The following C17orf67 variants were observed in gnomAD, a reference collection of about 807,000 sequenced individuals.
C17orf67 encodes chromosome 17 open reading frame 67.
A neutral mutation model predicts 11.2 loss-of-function variants in C17orf67; 12 were observed. The observed-to-expected ratio is 1.07, with a 90% CI of 0.68 to 1.73. The LOEUF (loss-of-function observed/expected upper bound fraction) is 1.73. C17orf67 is among the 40% of genes most tolerant of loss of function. The pLI, the probability that C17orf67 is intolerant of heterozygous loss-of-function variation, is 0.00. For synonymous variants in C17orf67, 59 were observed against 46.9 expected (o/e 1.26, Z -1.05); for missense variants, 115 against 113.5 (o/e 1.01, Z -0.06).
intron 4 of C17orf67, among the ~76,000 whole-genome samples, chr17:56,819,035 A>ATT (rs1905832488): frequency 6.6e-6 from 1 of 152,176 alleles, no homozygotes; most frequent in Non-Finnish European, 1.5e-5. Flanking sequence ...GTTAGACCTC[A>ATT]TCACTTCCAT....
intron 6 of C17orf67, among the ~76,000 whole-genome samples, chr17:56,810,959 G>A (rs1055400117): frequency 3.3e-5 from 5 of 152,242 alleles, no homozygotes; most frequent in Admixed American, 6.5e-5. Flanking sequence ...CCCAAGAGGC[G>A]TGAGTGGGTC....
intron 6 of C17orf67, among the ~76,000 whole-genome samples, chr17:56,806,707 T>C (rs1279881702): frequency 3.3e-5 from 5 of 152,172 alleles, no homozygotes; most frequent in Non-Finnish European, 7.4e-5. Flanking sequence ...GTGAATTTTA[T>C]TCAGAGTAAG....
Position 56,833,126 on chromosome 17 carries a change from G to A in C17orf67, c.-785C>T, listed in dbSNP as rs886086825. The A allele has an allele frequency of 1.3e-5, 2 of 152,298 alleles. No individual in the cohort carries two copies. The highest frequency in any genetic ancestry group is 4.8e-5 in the African/African-American group (2 of 41,464). The allele number at this position is 152,298 out of a possible 1,614,324, so 9.4% of individuals were successfully genotyped here. On this transcript the variant is annotated 5_prime_UTR_variant, in exon 2 of 8. Coordinates refer to ENST00000397861, the MANE Select transcript of C17orf67 (RefSeq NM_001085430.4). ...CCCACTCCTATGTATGTATGTAGTA[G>A]GAAGGAAGCCGCTGAGTGCAGCTGT...
In C17orf67 at chr17:56,823,657, G is replaced by A. The variant is rs557192194; in HGVS notation, c.-201+1082C>T. 2.6e-5 allele frequency among the ~76,000 whole-genome samples: 4 copies of A among 151,544 alleles called. No homozygotes were observed. The East Asian group carries it at 7.7e-4, about 29-fold the overall frequency. Reference sequence around the variant, plus strand: ...TTTAGAAAAATAGAGCAAAAATGAGGAGGAAAGTTTTAAAAAAACAAGAGA... The same window carrying A: ...TTTAGAAAAATAGAGCAAAAATGAGAAGGAAAGTTTTAAAAAAACAAGAGA... On this transcript the variant is annotated intron_variant, in intron 4 of 7. Coordinates refer to ENST00000397861, the MANE Select transcript of C17orf67 (RefSeq NM_001085430.4).
intron 6 of C17orf67, among the ~76,000 whole-genome samples, chr17:56,797,543 A>G (rs1265968862): frequency 6.6e-6 from 1 of 152,132 alleles, no homozygotes; most frequent in Non-Finnish European, 1.5e-5. Context: ...TGGAGAACGG[A>G]CTGGGGTCAG....
chr17:56,819,957 G>T (rs1376315086), intron 4 of C17orf67, among the ~76,000 whole-genome samples: 1 of 152,232 alleles, frequency 6.6e-6, no homozygotes, highest in African/African-American at 2.4e-5. Context: ...GAATCTACTG[G>T]AGGTGGAGAG....
chr17:56,795,294 G>A, intron 6 of C17orf67, 114 bp from the exon 7 acceptor site: 1 of 916,354 alleles, frequency 1.1e-6, no homozygotes, highest in South Asian at 1.5e-5. Flanking sequence ...GACAGGCAGG[G>A]AGAAGAAATC....
chr17:56,803,322 C>T (rs532489834), intron 6 of C17orf67, among the ~76,000 whole-genome samples: 34 of 152,346 alleles, frequency 2.2e-4, no homozygotes, highest in African/African-American at 7.9e-4. Context: ...CAGAGGAAAC[C>T]AGATTTTGGA....
intron 6 of C17orf67, among the ~76,000 whole-genome samples, chr17:56,806,888 C>T (rs1244790525): frequency 1.3e-5 from 2 of 152,094 alleles, no homozygotes; most frequent in East Asian, 1.9e-4. Flanking sequence ...CAGTGGAGGG[C>T]GAGAAGTAGT....
intron 3 of C17orf67, 21 bp from the exon 4 acceptor site, chr17:56,824,874 A>G (rs1015812597): frequency 3.3e-5 from 5 of 152,258 alleles, no homozygotes; most frequent in Admixed American, 3.3e-4. Flanking sequence ...AAGCAAAGAA[A>G]TGAAGGCCAC....
intron 6 of C17orf67, among the ~76,000 whole-genome samples, chr17:56,808,520 G>A (rs1407236545): frequency 2.0e-5 from 3 of 151,906 alleles, no homozygotes; most frequent in South Asian, 2.1e-4. Flanking sequence ...ATCCCCTCTG[G>A]GCCTTGCCTT....
At position 56,792,169 on chromosome 17, in the gene C17orf67, T is replaced by C. The variant is rs1905115548; in HGVS notation, c.*204A>G. The C allele has an allele frequency of 6.6e-6, 1 of 152,224 alleles. No individual in the cohort carries two copies. Among genetic ancestry groups the C allele is most frequent in the Admixed American group, 6.5e-5 (1 of 15,284 alleles). The allele number at this position is 152,224 out of a possible 1,614,324, so 9.4% of individuals were successfully genotyped here. On this transcript the variant is annotated 3_prime_UTR_variant, in exon 8 of 8. Transcript: ENST00000397861. ...GTGTCTATGCTTTAAGCTATTGGTT[T>C]TAGTGATCTATGCAGGTTAGTAAAA...
At chr17:56,827,661 G>A (rs1014163646) in intron 2 of C17orf67, among the ~76,000 whole-genome samples, 1 of 152,226 alleles carries the variant, frequency 6.6e-6, no homozygotes, top group Non-Finnish European at 1.5e-5. Flanking sequence ...GGTGGACCCT[G>A]GACTGAACCC....
At chr17:56,800,890 A>G (rs926970434) in intron 6 of C17orf67, among the ~76,000 whole-genome samples, 4 of 152,310 alleles carry the variant, frequency 2.6e-5, no homozygotes, top group African/African-American at 9.6e-5. Flanking sequence ...TGGTATCAAA[A>G]TTGGATGTTC....
intron 7 of C17orf67, among the ~76,000 whole-genome samples, chr17:56,793,455 T>C (rs902029993): frequency 2.6e-5 from 4 of 152,200 alleles, no homozygotes; most frequent in Non-Finnish European, 4.4e-5. Context: ...CTACCAAGAA[T>C]CAGAGGCCTC....
At chr17:56,830,801 T>TA (rs1229244112) in intron 2 of C17orf67, among the ~76,000 whole-genome samples, 54 of 152,364 alleles carry the variant, frequency 3.5e-4, no homozygotes, top group Non-Finnish European at 6.3e-4. Context: ...CCCTAATAGT[T>TA]AAACAGACTG....
chr17:56,832,603 G>A (rs574517836), intron 2 of C17orf67, among the ~76,000 whole-genome samples: 1 of 152,224 alleles, frequency 6.6e-6, no homozygotes, highest in South Asian at 2.1e-4. Context: ...AACAGGCACT[G>A]TCGCCTAACC....
intron 4 of C17orf67, among the ~76,000 whole-genome samples, chr17:56,819,787 G>C (rs1479205758): frequency 6.6e-6 from 1 of 152,186 alleles, no homozygotes; most frequent in Non-Finnish European, 1.5e-5. Flanking sequence ...GCCCCAGCGG[G>C]GTAACGAGGT....
At chr17:56,830,732 T>A (rs1480409197) in intron 2 of C17orf67, among the ~76,000 whole-genome samples, 1 of 152,248 alleles carries the variant, frequency 6.6e-6, no homozygotes, top group Non-Finnish European at 1.5e-5. Flanking sequence ...TTATGTTGAG[T>A]CAGGCACTGT....
Sources: allele counts gnomAD v4.1 joint callset (sites outside exome capture counted in the v4.1 genomes callset), GRCh38; gene constraint gnomAD v4.1.1; transcripts MANE v1.5; gene names NCBI Gene and HGNC (gene_info 2026-07-23, HGNC 2026-07-21).